Variants in GADL1 observed in about 807,000 individuals in gnomAD.
The protein encoded by GADL1 is acidic amino acid decarboxylase GADL1.
GADL1 carries 71 observed loss-of-function variants against 69.5 expected under a neutral mutation model. The observed-to-expected ratio is 1.02, with a 90% CI of 0.84 to 1.25. GADL1 has a LOEUF of 1.25. Ranked by LOEUF, GADL1 falls within the 50% of genes most tolerant of loss-of-function variation. The pLI is 0.00. For missense variants in GADL1, 737 were observed against 631.8 expected (o/e 1.17, Z -1.79); for synonymous variants, 254 against 214.4 (o/e 1.18, Z -1.62).
At chr3:30,764,874 A>T (rs1321820231) in intron 14 of GADL1, among the ~76,000 whole-genome samples, 1 of 152,114 alleles carries the variant, frequency 6.6e-6, no homozygotes, top group East Asian at 1.9e-4. Flanking sequence ...CCAACATTTG[A>T]ATTATCCCTA....
intron 14 of GADL1, among the ~76,000 whole-genome samples, chr3:30,747,403 T>C (rs1479715898): frequency 5.9e-5 from 9 of 152,134 alleles, no homozygotes. Context: ...TTTGTCTATC[T>C]GAATACTAGA....
rs144551440 is a variant in GADL1, at chr3:30,763,321, A to AC, written c.1392+14857dup. Among the ~76,000 whole-genome samples the AC allele has an allele frequency of 1.3e-4, 19 of 151,788 alleles. No homozygotes were observed. In the East Asian group the frequency reaches 2.1e-3, roughly 17 times the overall value. On this transcript the variant is annotated intron_variant, in intron 14 of 14. Transcript: ENST00000282538. ...AGACCATCCTGGCTAACACGGTGAAACCCCCTGTCGCTACTAAAAATAACA... is the reference window on the plus strand; with the variant it reads ...AGACCATCCTGGCTAACACGGTGAAACCCCCCTGTCGCTACTAAAAATAACA...
chr3:30,855,194 A>G (rs1174906650), intron 3 of GADL1, among the ~76,000 whole-genome samples: 1 of 152,130 alleles, frequency 6.6e-6, no homozygotes, highest in Non-Finnish European at 1.5e-5. Context: ...AAGGAAAAAC[A>G]TGTTGAAGAC....
chr3:30,760,975 A>AAAAAATT (rs5847625), intron 14 of GADL1, among the ~76,000 whole-genome samples: 3 of 150,436 alleles, frequency 2.0e-5, no homozygotes, highest in African/African-American at 4.9e-5. Context: ...ATGGCTAATA[A>AAAAAATT]ATATTTACCT....
intron 11 of GADL1, among the ~76,000 whole-genome samples, chr3:30,828,295 C>G (rs2125520982): frequency 6.6e-6 from 1 of 151,914 alleles, no homozygotes; most frequent in South Asian, 2.1e-4. Context: ...GCTAAGTAAC[C>G]TGCTTCTCAG....
At chr3:30,774,880 A>AT (rs760177110) in intron 14 of GADL1, among the ~76,000 whole-genome samples, 21 of 152,302 alleles carry the variant, frequency 1.4e-4, no homozygotes, top group Admixed American at 9.8e-4. Flanking sequence ...GAAGAGTGAC[A>AT]TGAAGAAGCA....
chr3:30,883,658 A>C (rs1245635717), intron 1 of GADL1, among the ~76,000 whole-genome samples: 1 of 151,972 alleles, frequency 6.6e-6, no homozygotes, highest in Non-Finnish European at 1.5e-5. Context: ...TTTAAGGATA[A>C]ATTTTTATAT....
intron 14 of GADL1, among the ~76,000 whole-genome samples, chr3:30,770,568 GT>G (rs1696393620): frequency 6.6e-6 from 1 of 150,490 alleles, no homozygotes; most frequent in East Asian, 2.0e-4. Flanking sequence ...CAGTGGATCA[GT>G]AGGTCACAAG....
At chr3:30,760,758 T>G (rs1242595985) in intron 14 of GADL1, among the ~76,000 whole-genome samples, 1 of 152,198 alleles carries the variant, frequency 6.6e-6, no homozygotes, top group Non-Finnish European at 1.5e-5. Flanking sequence ...GACTTGGCCC[T>G]GAATTGATTC....
At chr3:30,790,398 TA>T (rs1319230845) in intron 12 of GADL1, among the ~76,000 whole-genome samples, 3 of 152,120 alleles carry the variant, frequency 2.0e-5, no homozygotes, top group Admixed American at 2.0e-4. Context: ...AACACAGACA[TA>T]TGAAGTGAGC....
intron 14 of GADL1, among the ~76,000 whole-genome samples, chr3:30,742,098 G>A (rs2125473497): frequency 6.6e-6 from 1 of 152,180 alleles, no homozygotes; most frequent in Middle Eastern, 3.4e-3. Flanking sequence ...GAATATTTTG[G>A]CCCGGACAGT....
chr3:30,863,086 C>A (rs4245897), intron 1 of GADL1, among the ~76,000 whole-genome samples: 51,295 of 151,474 alleles, frequency 0.34, 9,158 homozygotes, highest in East Asian at 0.67. Context: ...CACTCTCTCT[C>A]TCTCTCGTAA....
Position 30,850,105 on chromosome 3 carries a change from GAGCCACCTGCAAAAACA to G in GADL1, c.536-11_541del. On this transcript the variant is annotated splice_acceptor_variant and splice_polypyrimidine_tract_variant and coding_sequence_variant and intron_variant, in exon 6 of 15. Coordinates refer to ENST00000282538, the MANE Select transcript of GADL1 (RefSeq NM_207359.3). LOFTEE classifies it high-confidence loss of function. ...ATTCATTGCATACATATTGGACACT[GAGCCACCTGCAAAAACA>G]AAATTAAAATGGCATATTTATAGCA... 6.4e-7 allele frequency: 1 copy of G among 1,573,060 alleles called. No individual in the cohort carries two copies. Among genetic ancestry groups the G allele is most frequent in the South Asian group, 1.1e-5 (1 of 89,998 alleles).
At chr3:30,759,743 G>T (rs1278379178) in intron 14 of GADL1, among the ~76,000 whole-genome samples, 5 of 152,148 alleles carry the variant, frequency 3.3e-5, no homozygotes, top group Non-Finnish European at 7.3e-5. Flanking sequence ...ACATTTCCCT[G>T]CTCGACTGCC....
intron 9 of GADL1, among the ~76,000 whole-genome samples, chr3:30,837,106 C>A (rs1697887236): frequency 6.6e-6 from 1 of 151,892 alleles, no homozygotes; most frequent in Non-Finnish European, 1.5e-5. Flanking sequence ...CATGGTTTTA[C>A]TGAAAACCCA....
At chr3:30,729,758 G>T (rs1047751580) in intron 14 of GADL1, among the ~76,000 whole-genome samples, 11 of 152,176 alleles carry the variant, frequency 7.2e-5, no homozygotes, top group Non-Finnish European at 1.3e-4. Context: ...CCTTCTCAAA[G>T]GATGTTCAAG....
At chr3:30,751,115 T>C (rs1031033366) in intron 14 of GADL1, among the ~76,000 whole-genome samples, 5 of 149,648 alleles carry the variant, frequency 3.3e-5, no homozygotes, top group East Asian at 1.9e-4. Flanking sequence ...CTAGGCAAGA[T>C]TGGGCAGCTT....
At chr3:30,756,833 G>A (rs2125482224) in intron 14 of GADL1, among the ~76,000 whole-genome samples, 1 of 152,274 alleles carries the variant, frequency 6.6e-6, no homozygotes, top group African/African-American at 2.4e-5. Flanking sequence ...GCCAAGACCA[G>A]TAGATCCATC....
chr3:30,768,501 G>GA (rs1696338857), intron 14 of GADL1, among the ~76,000 whole-genome samples: 1 of 140,310 alleles, frequency 7.1e-6, no homozygotes, highest in Non-Finnish European at 1.5e-5. Context: ...AATTGAGGGG[G>GA]AACAAGATAT....
Sources: allele counts gnomAD v4.1 joint callset (sites outside exome capture counted in the v4.1 genomes callset), GRCh38; gene constraint gnomAD v4.1.1; transcripts MANE v1.5; gene names NCBI Gene and HGNC (gene_info 2026-07-23, HGNC 2026-07-21).